Variants in PAICS observed in about 807,000 individuals in gnomAD.
PAICS encodes the protein bifunctional phosphoribosylaminoimidazole carboxylase/phosphoribosylaminoimidazole succinocarboxamide synthetase.
In PAICS, 33 loss-of-function variants were observed where a neutral mutation model predicts 53.7. That is an observed-to-expected ratio of 0.61 (90% confidence interval 0.47 to 0.82). The LOEUF (loss-of-function observed/expected upper bound fraction) is 0.82. Among genes scored for constraint, PAICS ranks in the 40% least tolerant of loss-of-function variants. The pLI, the probability that PAICS is intolerant of heterozygous loss-of-function variation, is 0.00. For missense variants in PAICS, 394 were observed against 494.1 expected (o/e 0.80, Z 1.92); for synonymous variants, 141 against 167.2 (o/e 0.84, Z 1.21).
rs191205800 is a variant in PAICS, at chr4:56,462,258, A to G, written c.*2720A>G. On this transcript the variant is annotated 3_prime_UTR_variant, in exon 9 of 9. Coordinates refer to ENST00000512576, the MANE Select transcript of PAICS (RefSeq NM_001079524.2). ...ACTAAGGGAATGGGAAATAAAGCTGAGTTTTGCCTTGAGGACCTCCAAACA... is the reference window on the plus strand; with the variant it reads ...ACTAAGGGAATGGGAAATAAAGCTGGGTTTTGCCTTGAGGACCTCCAAACA... The G allele has an allele frequency of 6.6e-5, 10 of 152,352 alleles. No homozygotes were observed. The South Asian group carries it at 8.3e-4, about 13-fold the overall frequency. 9.4% of individuals were successfully genotyped at this position (152,352 alleles called of 1,614,324 possible).
intron 1 of PAICS, among the ~76,000 whole-genome samples, chr4:56,438,631 G>T (rs1201734358): frequency 6.6e-6 from 1 of 151,572 alleles, no homozygotes; most frequent in African/African-American, 2.4e-5. Flanking sequence ...TAGAGTCAGG[G>T]TTTTGCCATG....
At chr4:56,453,212 G>C (rs1407232361) in intron 7 of PAICS, among the ~76,000 whole-genome samples, 1 of 151,988 alleles carries the variant, frequency 6.6e-6, no homozygotes, top group African/African-American at 2.4e-5. Context: ...ATATTAACTG[G>C]TTCTCCCTGC....
In PAICS at chr4:56,461,067, A is replaced by T. The variant is rs1316916547; in HGVS notation, c.*1529A>T. On this transcript the variant is annotated 3_prime_UTR_variant, in exon 9 of 9. Coordinates refer to ENST00000512576, the MANE Select transcript of PAICS (RefSeq NM_001079524.2). Reference sequence around the variant, plus strand: ...ACACATTGGTACCTTTAGTTCTCTGAAGGCCCACGTTTTTATCATTAAGAC... The same window carrying T: ...ACACATTGGTACCTTTAGTTCTCTGTAGGCCCACGTTTTTATCATTAAGAC... The T allele has an allele frequency of 6.6e-6, 1 of 152,182 alleles. No individual in the cohort carries two copies. The highest frequency in any genetic ancestry group is 1.9e-4 in the East Asian group (1 of 5,200). 9.4% of individuals were successfully genotyped at this position (152,182 alleles called of 1,614,324 possible). A position where few individuals can be genotyped will look rare whatever the true frequency, so the allele number is the denominator to read the frequency against.
At chr4:56,437,819 CAAAAAAAAAAA>C (rs869109998) in intron 1 of PAICS, among the ~76,000 whole-genome samples, 2 of 21,592 alleles carry the variant, frequency 9.3e-5, no homozygotes, top group African/African-American at 1.7e-4. Context: ...GACTCTGTCT[CAAAAAAAAAAA>C]AAAAAAAAAA....
chr4:56,453,815 A>G lies in PAICS; in HGVS notation c.1111+54A>G, dbSNP rs59540428. ...TTCATTACAAGCATTTAACAGATGC[A>G]CAACAGTAGACAGAATAGCATAATA... On this transcript the variant is annotated intron_variant, in intron 8 of 8. Transcript: ENST00000512576. The G allele has an allele frequency of 5.4e-4, 656 of 1,219,010 alleles. 7 individuals are homozygous for G. The African/African-American group carries it at 9.0e-3, about 17-fold the overall frequency. 75.5% of individuals were successfully genotyped at this position (1,219,010 alleles called of 1,614,324 possible).
chr4:56,454,283 G>T (rs912116867), intron 8 of PAICS, among the ~76,000 whole-genome samples: 2 of 152,156 alleles, frequency 1.3e-5, no homozygotes, highest in African/African-American at 4.8e-5. Flanking sequence ...CATGGATCAC[G>T]TGTGTAAATT....
the PAICS span, chr4:56,411,045 A>C: frequency 1.8e-6 from 1 of 550,050 alleles, no homozygotes; most frequent in Non-Finnish European, 2.3e-6. Flanking sequence ...AAAATAACCA[A>C]TTTATTATGC....
At position 56,459,543 on chromosome 4, in the gene PAICS, G is replaced by T; in HGVS notation, c.*5G>T. 6.5e-7 allele frequency: 1 copy of T among 1,527,814 alleles called. No individual in the cohort carries two copies. The highest frequency in any genetic ancestry group is 8.9e-7 in the Non-Finnish European group (1 of 1,127,408). 94.6% of individuals were successfully genotyped at this position (1,527,814 alleles called of 1,614,324 possible). A position where few individuals can be genotyped will look rare whatever the true frequency, so the allele number is the denominator to read the frequency against. On this transcript the variant is annotated 3_prime_UTR_variant, in exon 9 of 9. Coordinates refer to ENST00000512576, the MANE Select transcript of PAICS (RefSeq NM_001079524.2). Reference sequence around the variant, plus strand: ...ATCAGAGAATGTAATTTATAAGAAAGAATGCCATTGAATTTTTTAGGGGAA... The same window carrying T: ...ATCAGAGAATGTAATTTATAAGAAATAATGCCATTGAATTTTTTAGGGGAA...
upstream of PAICS, chr4:56,435,929 G>A: frequency 6.7e-7 from 1 of 1,497,006 alleles, no homozygotes; most frequent in Non-Finnish European, 9.0e-7. Context: ...TCAAGACTTG[G>A]TACGCTCCAA....
At chr4:56,432,294 G>A (rs1178621816), upstream of PAICS, among the ~76,000 whole-genome samples, 1 of 152,072 alleles carries the variant, frequency 6.6e-6, no homozygotes, top group Admixed American at 6.5e-5. Flanking sequence ...TTGGGAGACC[G>A]AAGAGGGTGG....
At chr4:56,455,607 T>C (rs1044642259) in intron 8 of PAICS, among the ~76,000 whole-genome samples, 9 of 152,320 alleles carry the variant, frequency 5.9e-5, no homozygotes, top group Middle Eastern at 3.4e-3. Context: ...TTTTGATACC[T>C]TGTGTATCTA....
At chr4:56,420,628 A>G in the PAICS span, 1 of 152,246 alleles carries the variant, frequency 6.6e-6, no homozygotes, top group East Asian at 1.9e-4. Context: ...AAATAGATCA[A>G]TTTTAATAAA....
intron 1 of PAICS, among the ~76,000 whole-genome samples, chr4:56,437,500 G>T (rs1422637232): frequency 6.6e-6 from 1 of 151,990 alleles, no homozygotes; most frequent in Non-Finnish European, 1.5e-5. Context: ...TTTCCACATA[G>T]AAAGTAACTG....
Position 56,460,327 on chromosome 4 carries a change from A to G in PAICS, c.*789A>G, listed in dbSNP as rs1467728664. Reference sequence around the variant, plus strand: ...TGTTGCAAGTCAGAAGCTTGATTTCATCATTGATGTTTTTCTCACGTTTCA... The same window carrying G: ...TGTTGCAAGTCAGAAGCTTGATTTCGTCATTGATGTTTTTCTCACGTTTCA... On this transcript the variant is annotated 3_prime_UTR_variant, in exon 9 of 9. Transcript: ENST00000512576. 6.6e-6 allele frequency: 1 copy of G among 152,170 alleles called. No individual in the cohort carries two copies. Among genetic ancestry groups the G allele is most frequent in the Non-Finnish European group, 1.5e-5 (1 of 68,044 alleles). The allele number at this position is 152,170 out of a possible 1,614,324, so 9.4% of individuals were successfully genotyped here.
the PAICS span, among the ~76,000 whole-genome samples, chr4:56,418,997 C>T: frequency 0.37 from 55,625 of 151,968 alleles, 10,675 homozygotes; most frequent in Non-Finnish European, 0.44. Flanking sequence ...TTTCGCAAGG[C>T]GTAAGCACTG....
upstream of PAICS, among the ~76,000 whole-genome samples, chr4:56,434,068 G>A (rs1490543727): frequency 4.6e-5 from 7 of 152,034 alleles, no homozygotes; most frequent in Non-Finnish European, 8.8e-5. Flanking sequence ...CTTGGATTAC[G>A]TAACTAATTT....
intron 2 of PAICS, among the ~76,000 whole-genome samples, chr4:56,443,661 A>T (rs543573422): frequency 6.6e-6 from 1 of 152,316 alleles, no homozygotes; most frequent in Admixed American, 6.5e-5. Flanking sequence ...ATAAAGCCTG[A>T]CTTTTTATTT....
intron 1 of PAICS, 57 bp downstream of exon 1, chr4:56,436,385 C>G (rs1258408780): frequency 2.2e-6 from 3 of 1,341,136 alleles, no homozygotes; most frequent in Non-Finnish European, 3.2e-6. Context: ...GCCGTGAGCT[C>G]GCGGCCACGT....
At chr4:56,419,660 C>T in the PAICS span, 1 of 983,794 alleles carries the variant, frequency 1.0e-6, no homozygotes, top group South Asian at 4.7e-5. Context: ...CAACTTTTAT[C>T]CCAACTGTAG....
Sources: gnomAD v4.1 joint callset for allele counts (sites outside exome capture counted in the v4.1 genomes callset) on GRCh38, gnomAD v4.1.1 for gene constraint, MANE v1.5 for transcripts, NCBI Gene and HGNC (gene_info 2026-07-23, HGNC 2026-07-21) for gene names.